RPH3A: variants seen among roughly 807,000 people sequenced by gnomAD.
RPH3A encodes rabphilin 3A, also known as rabphilin-3A.
In RPH3A, 48 loss-of-function variants were observed where a neutral mutation model predicts 102.2. The ratio of observed to expected loss-of-function variants is 0.47; its 90% CI spans 0.37 to 0.60. The LOEUF is 0.60. Ranked by LOEUF, RPH3A falls within the 20% of genes least tolerant of loss-of-function variation. The probability of loss-of-function intolerance (pLI) is 0.00; values close to 1 mark genes in which losing one functional copy is unlikely to be tolerated. For synonymous variants in RPH3A, 310 were observed against 324.3 expected (o/e 0.96, Z 0.47); for missense variants, 781 against 910.1 (o/e 0.86, Z 1.83).
chr12:112,615,680 TGAC>T (rs1284885603), intron 1 of RPH3A, among the ~76,000 whole-genome samples: 1 of 152,172 alleles, frequency 6.6e-6, no homozygotes, highest in Non-Finnish European at 1.5e-5. Context: ...CTTCTGCACT[TGAC>T]GACCGTGTCC....
intron 3 of RPH3A, among the ~76,000 whole-genome samples, chr12:112,834,943 A>G (rs12320382): frequency 3.7e-4 from 57 of 152,232 alleles, no homozygotes; most frequent in African/African-American, 1.3e-3. Context: ...TTTTAATTCA[A>G]TCTATTTGGT....
At chr12:112,678,295 A>G (rs376953875) in intron 1 of RPH3A, among the ~76,000 whole-genome samples, 6,197 of 31,290 alleles carry the variant, frequency 0.2, 659 homozygotes, top group African/African-American at 0.39. Flanking sequence ...GAAAGAAAGA[A>G]AGAAAGAAAG....
chr12:112,786,471 A>G (rs1430305693), intron 1 of RPH3A, among the ~76,000 whole-genome samples: 2 of 152,262 alleles, frequency 1.3e-5, no homozygotes, highest in East Asian at 3.9e-4. Context: ...GTGCTCCTGG[A>G]AAGCTGCCCT....
At chr12:112,806,362 C>T (rs567837135) in intron 2 of RPH3A, among the ~76,000 whole-genome samples, 2 of 152,202 alleles carry the variant, frequency 1.3e-5, no homozygotes, top group Non-Finnish European at 2.9e-5. Context: ...CAGCTTGGTA[C>T]ACTGGCTCAC....
chr12:112,804,346 G>A (rs1018349662), intron 2 of RPH3A, among the ~76,000 whole-genome samples: 1 of 152,200 alleles, frequency 6.6e-6, no homozygotes, highest in Non-Finnish European at 1.5e-5. Flanking sequence ...ATCAGGTGGG[G>A]CTGTGAGCAC....
intron 2 of RPH3A, among the ~76,000 whole-genome samples, chr12:112,811,902 G>A (rs2041582951): frequency 6.6e-6 from 1 of 152,130 alleles, no homozygotes; most frequent in Non-Finnish European, 1.5e-5. Context: ...GGCATGACTG[G>A]ATCCAGAGGC....
At chr12:112,689,336 A>G (rs2040290008) in intron 1 of RPH3A, among the ~76,000 whole-genome samples, 1 of 152,226 alleles carries the variant, frequency 6.6e-6, no homozygotes, top group Non-Finnish European at 1.5e-5. Flanking sequence ...GAGAACTGCC[A>G]TATCTTCAGA....
At chr12:112,697,060 T>A (rs1317299376) in intron 1 of RPH3A, among the ~76,000 whole-genome samples, 2 of 152,150 alleles carry the variant, frequency 1.3e-5, no homozygotes, top group Non-Finnish European at 2.9e-5. Context: ...ACTGAAAGCT[T>A]TTCCTCTAAT....
intron 1 of RPH3A, among the ~76,000 whole-genome samples, chr12:112,730,590 G>A (rs899599599): frequency 6.6e-6 from 1 of 152,170 alleles, no homozygotes; most frequent in African/African-American, 2.4e-5. Context: ...GCCCAATCCT[G>A]CTTCCTCCTT....
chr12:112,795,650 T>G (rs149370939), intron 2 of RPH3A, among the ~76,000 whole-genome samples: 33 of 152,222 alleles, frequency 2.2e-4, no homozygotes, highest in Non-Finnish European at 3.8e-4. Flanking sequence ...TTTCTTCAAT[T>G]AGGTGTATTA....
chr12:112,743,689 C>T (rs1012268134), intron 1 of RPH3A, among the ~76,000 whole-genome samples: 1 of 150,910 alleles, frequency 6.6e-6, no homozygotes, highest in East Asian at 1.9e-4. Context: ...GTTTTTTTTT[C>T]CCCCCAAGGG....
At chr12:112,865,362 C>G in intron 5 of RPH3A, 52 bp from the exon 6 acceptor site, 1 of 1,598,094 alleles carries the variant, frequency 6.3e-7, no homozygotes, top group Non-Finnish European at 8.5e-7. Flanking sequence ...GTGGGGTATG[C>G]TGGTGGTCCC....
At chr12:112,852,168 C>T (rs978130030) in intron 5 of RPH3A, among the ~76,000 whole-genome samples, 3 of 152,120 alleles carry the variant, frequency 2.0e-5, no homozygotes, top group Non-Finnish European at 4.4e-5. Flanking sequence ...TTCAGGTAGC[C>T]CCTCTCTTTG....
intron 1 of RPH3A, among the ~76,000 whole-genome samples, chr12:112,579,752 C>T (rs906202665): frequency 6.6e-6 from 1 of 152,078 alleles, no homozygotes; most frequent in African/African-American, 2.4e-5. Flanking sequence ...TTTTTGGAGA[C>T]AGGGTTTCAC....
Position 112,868,648 on chromosome 12 carries a change from G to C in RPH3A, c.610+53G>C, listed in dbSNP as rs2042653774. The C allele has an allele frequency of 1.9e-6, 3 of 1,570,882 alleles. No individual in the cohort carries two copies. The Admixed American group carries it at 5.4e-5, about 28-fold the overall frequency. On this transcript the variant is annotated intron_variant, in intron 8 of 21. Coordinates refer to ENST00000389385, the MANE Select transcript of RPH3A (RefSeq NM_001143854.2). ...GACCAAGGACAGATCTTAGCCAACT[G>C]GTCTACCTGAGGGATGGCCTGACAT... is the stretch of plus-strand genomic sequence containing the variant.
intron 1 of RPH3A, among the ~76,000 whole-genome samples, chr12:112,637,803 C>T (rs1285709428): frequency 6.6e-6 from 1 of 152,066 alleles, no homozygotes. Context: ...AAAGAGAGCC[C>T]GAAGGCAGAA....
chr12:112,759,416 C>A (rs2040840210), intron 1 of RPH3A, among the ~76,000 whole-genome samples: 3 of 152,136 alleles, frequency 2.0e-5, no homozygotes, highest in South Asian at 4.1e-4. Context: ...TTTGGATGAA[C>A]CATAAGTCAT....
At chr12:112,641,602 G>A (rs2039891276) in intron 1 of RPH3A, among the ~76,000 whole-genome samples, 1 of 152,056 alleles carries the variant, frequency 6.6e-6, no homozygotes, top group Non-Finnish European at 1.5e-5. Context: ...TCATCATGTT[G>A]GTCAGGTTGG....
chr12:112,723,251 G>A (rs1176378344), intron 1 of RPH3A, among the ~76,000 whole-genome samples: 2 of 152,128 alleles, frequency 1.3e-5, no homozygotes, highest in Non-Finnish European at 2.9e-5. Flanking sequence ...TTGACTGGAA[G>A]CCTTACCGAT....
Sources: allele counts gnomAD v4.1 joint callset (sites outside exome capture counted in the v4.1 genomes callset), GRCh38; gene constraint gnomAD v4.1.1; transcripts MANE v1.5; gene names NCBI Gene and HGNC (gene_info 2026-07-23, HGNC 2026-07-21).